Variants in GRM7 observed in about 807,000 individuals in gnomAD.
GRM7 encodes the protein metabotropic glutamate receptor 7.
Under a neutral mutation model 84.5 loss-of-function variants are expected in GRM7, and 35 were observed. The observed-to-expected ratio is 0.41, with a 90% CI of 0.32 to 0.55. The LOEUF is 0.55. Ranked by LOEUF, GRM7 falls within the 20% of genes least tolerant of loss-of-function variation. The pLI, the probability that GRM7 is intolerant of heterozygous loss-of-function variation, is 0.19. For missense variants in GRM7, 1,003 were observed against 1,194.6 expected, an observed-to-expected ratio of 0.84 and a Z score of 2.36; for synonymous variants, 487 against 455.1, an observed-to-expected ratio of 1.07 and a Z score of -0.89.
chr3:7,535,027 G>C (rs1701189789), intron 7 of GRM7, among the ~76,000 whole-genome samples: 1 of 152,118 alleles, frequency 6.6e-6, no homozygotes, highest in South Asian at 2.1e-4. Flanking sequence ...CTTACTGCTA[G>C]AGTATTTGTG....
chr3:7,183,678 G>A (rs1453079817), intron 2 of GRM7, among the ~76,000 whole-genome samples: 2 of 152,002 alleles, frequency 1.3e-5, no homozygotes, highest in African/African-American at 2.4e-5. Context: ...GATGCATGAA[G>A]AGCTCTTTTC....
intron 7 of GRM7, among the ~76,000 whole-genome samples, chr3:7,523,374 T>G (rs1376746603): frequency 6.6e-6 from 1 of 152,150 alleles, no homozygotes; most frequent in East Asian, 1.9e-4. Flanking sequence ...CCTGGTTGCT[T>G]GTAACAAACG....
At chr3:7,612,799 T>C (rs1393627429) in intron 8 of GRM7, among the ~76,000 whole-genome samples, 5 of 152,324 alleles carry the variant, frequency 3.3e-5, no homozygotes, top group Admixed American at 3.3e-4. Flanking sequence ...AAGGAAAGAA[T>C]TCTTGGAAAC....
chr3:7,631,622 T>C (rs1361629891), intron 8 of GRM7, among the ~76,000 whole-genome samples: 1 of 152,136 alleles, frequency 6.6e-6, no homozygotes, highest in Non-Finnish European at 1.5e-5. Flanking sequence ...ACTTTTGCAC[T>C]ATTGACATTT....
chr3:6,938,127 G>T (rs977505640), intron 1 of GRM7, among the ~76,000 whole-genome samples: 2 of 152,162 alleles, frequency 1.3e-5, no homozygotes, highest in South Asian at 4.1e-4. Flanking sequence ...CATTCCAATA[G>T]AGTCTCTAAG....
Position 7,298,803 on chromosome 3 carries a change from T to C in GRM7, c.856T>C (p.Phe286Leu). 6.2e-7 allele frequency: 1 copy of C among 1,613,756 alleles called. No homozygotes were observed. Residue 286 changes from phenylalanine (F) to leucine (L), a missense_variant, in exon 3 of 10, where the codon TTT (phenylalanine) becomes CTT (leucine). By Grantham distance (22) the Phe-to-Leu change is conservative. Around this residue, in one of 2 missense-constraint regions of GRM7, gnomAD observed 910 missense variants for 1,126.0 expected, o/e 0.81. Coordinates refer to ENST00000357716, the MANE Select transcript of GRM7 (RefSeq NM_000844.4). ...DTPNSRAVVI[F>L]ANDEDIKQIL... ...CCCCAACTCCAGGGCCGTCGTGATT[T>C]TTGCCAACGATGAGGATATAAAGTA...
intron 1 of GRM7, among the ~76,000 whole-genome samples, chr3:6,898,008 CTCT>C (rs905502142): frequency 6.6e-6 from 1 of 152,194 alleles, no homozygotes; most frequent in African/African-American, 2.4e-5. Context: ...CCTGACCTCA[CTCT>C]TCTTTCACCT....
Position 7,626,924 on chromosome 3 carries a change from C to CTT in GRM7, c.2451+47581_2451+47582dup, listed in dbSNP as rs34233877. ...GGTCCAAAAGCCTACATGAGCACCT[C>CTT]TTTTTTTTTTTTTTTCATTTTCTAG... On this transcript the variant is annotated intron_variant, in intron 8 of 9. Transcript: ENST00000357716. Among the ~76,000 whole-genome samples the CTT allele has an allele frequency of 3.6e-4, 51 of 143,526 alleles. 2 individuals are homozygous for CTT. Among genetic ancestry groups the CTT allele is most frequent in the African/African-American group, 6.1e-4 (24 of 39,036 alleles). The allele number at this position is 143,526 out of a possible 152,430, so 94.2% of individuals were successfully genotyped here. A position where few individuals can be genotyped will look rare whatever the true frequency, so the allele number is the denominator to read the frequency against.
chr3:7,428,688 C>G (rs1374305063), intron 5 of GRM7, among the ~76,000 whole-genome samples: 1 of 152,114 alleles, frequency 6.6e-6, no homozygotes, highest in Non-Finnish European at 1.5e-5. Flanking sequence ...CTAATGATTT[C>G]TATACACTTC....
chr3:6,913,502 C>T (rs1021116115), intron 1 of GRM7, among the ~76,000 whole-genome samples: 1 of 152,090 alleles, frequency 6.6e-6, no homozygotes, highest in African/African-American at 2.4e-5. Context: ...AAAATACTTA[C>T]CAGGGAACTT....
intron 7 of GRM7, among the ~76,000 whole-genome samples, chr3:7,538,767 G>C (rs1692704039): frequency 6.6e-6 from 1 of 152,130 alleles, no homozygotes. Flanking sequence ...AGATTCAGAA[G>C]GCATATTGGC....
chr3:7,266,564 C>T (rs1479244249), intron 2 of GRM7, among the ~76,000 whole-genome samples: 1 of 152,202 alleles, frequency 6.6e-6, no homozygotes, highest in African/African-American at 2.4e-5. Context: ...TGTTATCACT[C>T]ACCCTTGAAA....
chr3:7,212,538 T>G (rs942756959), intron 2 of GRM7, among the ~76,000 whole-genome samples: 5 of 152,104 alleles, frequency 3.3e-5, no homozygotes, highest in Admixed American at 6.5e-5. Flanking sequence ...GAGAAAGAAA[T>G]GCCCAGGATA....
intron 2 of GRM7, among the ~76,000 whole-genome samples, chr3:7,238,394 GAGAAGGCTTCTCTGTTCGAAATTGAGCCT>G (rs1385865486): frequency 3.3e-5 from 5 of 152,110 alleles, no homozygotes; most frequent in Non-Finnish European, 7.4e-5. Flanking sequence ...TACCTTTTCA[GAGAAGGCTTCTCTGTTCGAAATTGAGCCT>G]AGAAAGCTAT....
In GRM7 at chr3:7,253,293, A is replaced by C. The variant is rs192494085; in HGVS notation, c.737-45391A>C. On this transcript the variant is annotated intron_variant, in intron 2 of 9. Transcript: ENST00000357716. The stretch of plus-strand genomic sequence containing the variant: ...ACAATGACAATATTCCAATGTATGC[A>C]TTTAACATTTTCCAGACATTATTCT... Among the ~76,000 whole-genome samples, 8 of 152,280 alleles carry C rather than the reference A, an allele frequency of 5.3e-5. No individual in the cohort carries two copies. In the East Asian group the frequency reaches 1.5e-3, roughly 29 times the overall value.
At position 6,861,183 on chromosome 3, in the gene GRM7, C is replaced by G. The variant is rs1694741018; in HGVS notation, c.-206C>G. 2.2e-6 allele frequency: 1 copy of G among 451,586 alleles called. No homozygotes were observed. Among genetic ancestry groups the G allele is most frequent in the African/African-American group, 2.1e-5 (1 of 48,578 alleles). The allele number at this position is 451,586 out of a possible 1,614,324, so 28.0% of individuals were successfully genotyped here. ...CGAGCGCGGCGCGCCGGCCGGCTAA[C>G]CCGAGAGCGCGAGGCGCCCCAGGCT... On this transcript the variant is annotated 5_prime_UTR_variant, in exon 1 of 10. Coordinates refer to ENST00000357716, the MANE Select transcript of GRM7 (RefSeq NM_000844.4). The surrounding 1 kb of genome is among the most constrained non-coding windows in gnomAD (Gnocchi z 6.4).
intron 1 of GRM7, among the ~76,000 whole-genome samples, chr3:7,120,465 T>C (rs780463371): frequency 2.0e-5 from 3 of 152,142 alleles, no homozygotes; most frequent in Non-Finnish European, 2.9e-5. Context: ...GTTATAGAAA[T>C]GATAATCCCC....
At chr3:7,637,020 C>A (rs901539616) in intron 8 of GRM7, among the ~76,000 whole-genome samples, 3 of 152,172 alleles carry the variant, frequency 2.0e-5, no homozygotes, top group African/African-American at 7.2e-5. Flanking sequence ...TGAGAATACT[C>A]CAGATGATTT....
chr3:7,105,242 C>T (rs1181252922), intron 1 of GRM7, among the ~76,000 whole-genome samples: 3 of 151,590 alleles, frequency 2.0e-5, no homozygotes, highest in African/African-American at 7.3e-5. Context: ...TTAAGATGGT[C>T]AAAAAATGTT....
Sources: allele counts gnomAD v4.1 joint callset (sites outside exome capture counted in the v4.1 genomes callset), GRCh38; gene constraint gnomAD v4.1.1; regional missense constraint gnomAD v4.1.1; non-coding constraint Gnocchi (gnomAD v3.1); transcripts MANE v1.5; gene names NCBI Gene and HGNC (gene_info 2026-07-23, HGNC 2026-07-21).